ATP8A2: variants seen among roughly 807,000 people sequenced by gnomAD.
The protein encoded by ATP8A2 is phospholipid-transporting ATPase IB.
Under a neutral mutation model 165.6 loss-of-function variants are expected in ATP8A2, and 100 were observed. That is an observed-to-expected ratio of 0.60 (90% CI 0.51 to 0.71). ATP8A2 has a LOEUF of 0.71. ATP8A2 is among the 30% of genes least tolerant of loss of function. ATP8A2 has a pLI of 0.00. For synonymous variants in ATP8A2, 543 were observed against 548.8 expected (o/e 0.99, Z 0.15); for missense variants, 1,227 against 1,479.5 (o/e 0.83, Z 2.80).
At chr13:25,479,140 C>T (rs1313324049) in intron 2 of ATP8A2, among the ~76,000 whole-genome samples, 1 of 152,174 alleles carries the variant, frequency 6.6e-6, no homozygotes, top group East Asian at 1.9e-4. Flanking sequence ...GCCACCACAC[C>T]CAGCCCATAA....
chr13:25,523,029 G>A (rs1413741033), intron 2 of ATP8A2, among the ~76,000 whole-genome samples: 2 of 151,670 alleles, frequency 1.3e-5, no homozygotes, highest in Non-Finnish European at 2.9e-5. Context: ...GGAGGCTGAG[G>A]CTACCTTGAA....
intron 7 of ATP8A2, 55 bp from the exon 8 acceptor site, chr13:25,540,262 CTG>C: frequency 7.8e-7 from 1 of 1,283,340 alleles, no homozygotes; most frequent in Admixed American, 1.7e-5. Context: ...ATTTTCTAAA[CTG>C]TGAATTTGTG....
intron 4 of ATP8A2, among the ~76,000 whole-genome samples, chr13:25,531,629 C>T (rs1019401258): frequency 6.6e-6 from 1 of 151,584 alleles, no homozygotes; most frequent in Admixed American, 6.6e-5. Context: ...TCCAAAAACC[C>T]CAAATCTGAA....
At chr13:25,876,525 A>T (rs1379825239) in intron 33 of ATP8A2, among the ~76,000 whole-genome samples, 1 of 152,156 alleles carries the variant, frequency 6.6e-6, no homozygotes, top group Non-Finnish European at 1.5e-5. Context: ...AGCTTTAAAA[A>T]TTTCACCGCA....
At position 26,009,673 on chromosome 13, in the gene ATP8A2, G is replaced by A. The variant is rs138303731; in HGVS notation, c.3378-2858G>A. On this transcript the variant is annotated intron_variant, in intron 35 of 36. Coordinates refer to ENST00000381655, the MANE Select transcript of ATP8A2 (RefSeq NM_016529.6). Reference sequence around the variant, plus strand: ...TGGATGGCAGGCCTGGGCCATGGGAGGGTGTACCTCCTTGGCTGTGGACCC... The same window carrying A: ...TGGATGGCAGGCCTGGGCCATGGGAAGGTGTACCTCCTTGGCTGTGGACCC... 6.6e-5 allele frequency among the ~76,000 whole-genome samples: 10 copies of A among 152,278 alleles called. No homozygotes were observed. In the East Asian group the frequency reaches 1.7e-3, roughly 26 times the overall value.
chr13:25,630,345 A>C (rs985860708), intron 24 of ATP8A2, among the ~76,000 whole-genome samples: 4 of 151,102 alleles, frequency 2.6e-5, no homozygotes, highest in African/African-American at 9.9e-5. Context: ...GCGTGTGTCC[A>C]GGAGAAGTGG....
chr13:25,927,440 G>A (rs959535927), intron 33 of ATP8A2, among the ~76,000 whole-genome samples: 3 of 152,160 alleles, frequency 2.0e-5, no homozygotes, highest in Non-Finnish European at 2.9e-5. Flanking sequence ...GCTTTTCTGG[G>A]TCATAATGCC....
chr13:25,589,158 T>C (rs1418944704), intron 23 of ATP8A2, among the ~76,000 whole-genome samples: 1 of 152,052 alleles, frequency 6.6e-6, no homozygotes, highest in Non-Finnish European at 1.5e-5. Context: ...TTTTTTGAAA[T>C]GTGGATTACT....
intron 1 of ATP8A2, among the ~76,000 whole-genome samples, chr13:25,410,555 A>G (rs1159277261): frequency 6.6e-6 from 1 of 152,232 alleles, no homozygotes; most frequent in East Asian, 1.9e-4. Context: ...AGTACCTTGT[A>G]CAGCAGATCT....
At chr13:25,551,098 T>A (rs1240250353) in intron 10 of ATP8A2, among the ~76,000 whole-genome samples, 6 of 152,216 alleles carry the variant, frequency 3.9e-5, no homozygotes, top group African/African-American at 1.2e-4. Flanking sequence ...AAGTACAGAA[T>A]GAATCATGTA....
At chr13:25,854,960 A>G (rs377644784) in intron 30 of ATP8A2, among the ~76,000 whole-genome samples, 15 of 152,152 alleles carry the variant, frequency 9.9e-5, no homozygotes, top group African/African-American at 3.6e-4. Context: ...TTCATTAAGA[A>G]TCACTCCTGG....
chr13:25,658,440 C>T lies in ATP8A2; in HGVS notation c.2212-40733C>T, dbSNP rs573640029. Among the ~76,000 whole-genome samples the T allele has an allele frequency of 6.4e-4, 97 of 152,220 alleles. 1 individual carries two copies. The highest frequency in any genetic ancestry group is 2.3e-3 in the African/African-American group (96 of 41,550). On this transcript the variant is annotated intron_variant, in intron 24 of 36. Coordinates refer to ENST00000381655, the MANE Select transcript of ATP8A2 (RefSeq NM_016529.6). ...ATCACCTGAGATCAGGAGTTCGAGA[C>T]CAGCCTGGCCAATATGGTGAAACCC... is the stretch of plus-strand genomic sequence containing the variant.
chr13:25,507,428 G>A (rs1414570465), intron 2 of ATP8A2, among the ~76,000 whole-genome samples: 1 of 152,010 alleles, frequency 6.6e-6, no homozygotes, highest in Non-Finnish European at 1.5e-5. Context: ...ACCATGCCTG[G>A]CTAATTTTTG....
chr13:25,517,228 A>C (rs2037507908), intron 2 of ATP8A2: 1 of 150,342 alleles, frequency 6.7e-6, no homozygotes, highest in Non-Finnish European at 1.5e-5. Context: ...ATGTTTTTAA[A>C]GTTAAAAAAA....
At chr13:25,554,529 A>ATGTGTGTGTGTGTGTG (rs71077486) in intron 12 of ATP8A2, among the ~76,000 whole-genome samples, 1 of 140,344 alleles carries the variant, frequency 7.1e-6, no homozygotes, top group East Asian at 2.3e-4. Context: ...GTGTGTGTGT[A>ATGTGTGTGTGTGTGTG]TGTGTGTGTG....
chr13:25,996,107 G>C (rs1172475920), intron 35 of ATP8A2, among the ~76,000 whole-genome samples: 1 of 151,972 alleles, frequency 6.6e-6, no homozygotes, highest in Non-Finnish European at 1.5e-5. Context: ...GTTTTATTTT[G>C]ATTAATGTTT....
chr13:25,771,646 T>C (rs1208933060), intron 26 of ATP8A2, among the ~76,000 whole-genome samples: 11 of 152,170 alleles, frequency 7.2e-5, no homozygotes, highest in Admixed American at 7.2e-4. Flanking sequence ...GGGGTTTTCT[T>C]GCCCCTCCAG....
chr13:25,508,528 G>T (rs563645094), intron 2 of ATP8A2, among the ~76,000 whole-genome samples: 2 of 152,146 alleles, frequency 1.3e-5, no homozygotes, highest in Non-Finnish European at 2.9e-5. Flanking sequence ...CAAGGATTTT[G>T]CAATATTATT....
intron 26 of ATP8A2, among the ~76,000 whole-genome samples, chr13:25,771,841 A>G (rs1705215315): frequency 6.6e-6 from 1 of 152,208 alleles, no homozygotes; most frequent in Non-Finnish European, 1.5e-5. Context: ...CCATGCCAGA[A>G]AAGCCACAGC....
Sources: allele counts gnomAD v4.1 joint callset (sites outside exome capture counted in the v4.1 genomes callset), GRCh38; gene constraint gnomAD v4.1.1; transcripts MANE v1.5; gene names NCBI Gene and HGNC (gene_info 2026-07-23, HGNC 2026-07-21).